The following VPS37B variants were observed in gnomAD, a reference collection of about 807,000 sequenced individuals.
VPS37B encodes VPS37B subunit of ESCRT-I.
In VPS37B, 11 loss-of-function variants were observed where a neutral mutation model predicts 21.2. The observed-to-expected ratio is 0.52, with a 90% CI of 0.33 to 0.86. VPS37B has a LOEUF of 0.86. Ranked by LOEUF, VPS37B falls within the 40% of genes least tolerant of loss-of-function variation. The pLI, the probability that VPS37B is intolerant of heterozygous loss-of-function variation, is 0.03. For missense variants in VPS37B, 389 were observed against 374.8 expected, an observed-to-expected ratio of 1.04 and a Z score of -0.31; for synonymous variants, 175 against 159.6, an observed-to-expected ratio of 1.10 and a Z score of -0.73.
intron 1 of VPS37B, among the ~76,000 whole-genome samples, chr12:122,891,687 A>G (rs931206135): frequency 1.3e-5 from 2 of 152,224 alleles, no homozygotes; most frequent in Admixed American, 6.5e-5. Context: ...AGCTTCTAAA[A>G]CAGTCTCACC....
At chr12:122,886,279 C>T (rs1222451893) in intron 1 of VPS37B, 1 of 152,196 alleles carries the variant, frequency 6.6e-6, no homozygotes, top group African/African-American at 2.4e-5. Flanking sequence ...ACGAGAAATA[C>T]TGTGTAGGCT....
rs141748579 is a variant in VPS37B at position 122,895,454 on chromosome 12, T to C, written c.111+498A>G. On this transcript the variant is annotated intron_variant, in intron 1 of 3. Coordinates refer to ENST00000267202, the MANE Select transcript of VPS37B (RefSeq NM_024667.3). ...CTTGGTCCCCCTCAGTCACCCCTAA[T>C]CCTCGCCTCCGACTCAGCCCTTATT... Among the ~76,000 whole-genome samples, 580 of 138,800 alleles carry C rather than the reference T, an allele frequency of 4.2e-3. 1 individual carries two copies. Among genetic ancestry groups the C allele is most frequent in the African/African-American group, 0.015 (556 of 36,448 alleles). The allele number at this position is 138,800 out of a possible 152,430, so 91.1% of individuals were successfully genotyped here.
intron 1 of VPS37B, chr12:122,888,348 CT>C: frequency 3.0e-6 from 1 of 334,388 alleles, no homozygotes; most frequent in Non-Finnish European, 6.0e-6. Context: ...GGCATTTCCT[CT>C]GCTTTTGTAT....
intron 1 of VPS37B, chr12:122,872,696 G>T (rs368277672): frequency 7.1e-6 from 7 of 985,018 alleles, no homozygotes; most frequent in Non-Finnish European, 8.4e-6. Flanking sequence ...AAAAACCACT[G>T]TATGGCCACT....
intron 1 of VPS37B, 53 bp downstream of exon 1, chr12:122,895,899 G>T: frequency 6.4e-7 from 1 of 1,554,074 alleles, no homozygotes; most frequent in South Asian, 1.1e-5. Flanking sequence ...CGTTCGAGGA[G>T]CGAACCCCGC....
Position 122,867,165 on chromosome 12 carries a change from C to T in VPS37B, c.809G>A (p.Arg270Lys). 1 of 1,556,252 alleles carries T rather than the reference C, an allele frequency of 6.4e-7. No individual in the cohort carries two copies. The change falls in exon 4 of 4, where the codon AGA (arginine) becomes AAA (lysine). Residue 270 changes from arginine to lysine, a missense_variant. Transcript: ENST00000267202. This position sits in a 1 kb window ranked among gnomAD's most constrained non-coding sequence, Gnocchi z 5.5. ...VSPYPPPLPQRPPPRLPPHQP... is the reference protein window; with the variant it reads ...VSPYPPPLPQKPPPRLPPHQP... The stretch of plus-strand genomic sequence containing the variant: ...GTGTGGAGGGAGCCGGGGCGGGGGT[C>T]TCTGAGGGAGAGGTGGCGGATATGG...
intron 1 of VPS37B, chr12:122,889,927 C>T (rs977204436): frequency 6.6e-6 from 1 of 152,242 alleles, no homozygotes; most frequent in African/African-American, 2.4e-5. Flanking sequence ...GTCGGACAAC[C>T]CATCCCTGCT....
intron 1 of VPS37B, chr12:122,889,997 CTACT>C (rs2034390204): frequency 6.6e-6 from 1 of 152,176 alleles, no homozygotes; most frequent in African/African-American, 2.4e-5. Context: ...CATCAAAAGC[CTACT>C]TAGAGAAATA....
chr12:122,895,620 T>C (rs1184620304), intron 1 of VPS37B, among the ~76,000 whole-genome samples: 1 of 151,828 alleles, frequency 6.6e-6, no homozygotes, highest in Non-Finnish European at 1.5e-5. Context: ...GCCTTAAGTC[T>C]TCAGACCCAG....
chr12:122,882,034 A>C (rs1373454624), intron 1 of VPS37B: 2 of 152,184 alleles, frequency 1.3e-5, no homozygotes, highest in African/African-American at 4.8e-5. Context: ...CCCTAGCTAC[A>C]ATGCCATAAT....
chr12:122,870,657 G>C (rs186190609), intron 2 of VPS37B: 19 of 404,378 alleles, frequency 4.7e-5, no homozygotes, highest in African/African-American at 3.3e-4. Context: ...GATCACCTGA[G>C]CCCAGGAGGT....
intron 1 of VPS37B, chr12:122,883,250 C>T (rs1400922806): frequency 1.3e-5 from 2 of 152,164 alleles, no homozygotes; most frequent in African/African-American, 4.8e-5. Context: ...TTGCTTCCCT[C>T]GAAAAGGAAC....
intron 1 of VPS37B, chr12:122,872,345 C>A: frequency 1.0e-6 from 1 of 985,432 alleles, no homozygotes; most frequent in Non-Finnish European, 1.2e-6. Context: ...ATCTGCATCT[C>A]CAGACAACAG....
chr12:122,871,186 C>A, intron 1 of VPS37B, 125 bp from the exon 2 acceptor site: 1 of 1,441,430 alleles, frequency 6.9e-7, no homozygotes, highest in South Asian at 1.5e-5. Context: ...ACAGCTGGCA[C>A]CGCATGCCAG....
rs2034038905 is a variant in VPS37B at position 122,871,739 on chromosome 12, C to T, written c.112-678G>A. On this transcript the variant is annotated intron_variant, in intron 1 of 3. Transcript: ENST00000267202. ...TGTCCTTTAAAGCAATGACAGGCTA[C>T]CCTGGTAGGTAGAGAAGAAGCCACA... 3.1e-6 allele frequency: 3 copies of T among 975,984 alleles called. No homozygotes were observed. In the South Asian group the frequency reaches 1.4e-4, roughly 46 times the overall value. The allele number at this position is 975,984 out of a possible 1,614,324, so 60.5% of individuals were successfully genotyped here.
intron 2 of VPS37B, among the ~76,000 whole-genome samples, chr12:122,869,550 A>C (rs966377341): frequency 7.2e-5 from 11 of 152,238 alleles, no homozygotes. Context: ...TAATGGAGAA[A>C]ATGACAAGAT....
rs1364216590 is a variant in VPS37B, at chr12:122,866,321, CAA to C, written c.*793_*794del. ...TTTCCCTGAATGGTCTTGGGAGTGT[CAA>C]AAAAGTTTTTTCAATATAAAACAGG... On this transcript the variant is annotated 3_prime_UTR_variant, in exon 4 of 4. Transcript: ENST00000267202. The C allele has an allele frequency of 2.0e-5, 3 of 152,538 alleles. No individual in the cohort carries two copies. Among genetic ancestry groups the C allele is most frequent in the Non-Finnish European group, 2.9e-5 (2 of 68,024 alleles). The allele number at this position is 152,538 out of a possible 1,614,324, so 9.4% of individuals were successfully genotyped here.
At chr12:122,872,761 G>A (rs2034063109) in intron 1 of VPS37B, 2 of 902,006 alleles carry the variant, frequency 2.2e-6, no homozygotes, top group South Asian at 1.0e-4. Flanking sequence ...CTATGACCCA[G>A]AAGTTGTACT....
At chr12:122,879,751 T>C (rs557379585) in intron 1 of VPS37B, 1 of 152,184 alleles carries the variant, frequency 6.6e-6, no homozygotes, top group Non-Finnish European at 1.5e-5. Flanking sequence ...AGTAGAACCA[T>C]GTCTTAATCA....
Sources: allele counts gnomAD v4.1 joint callset (sites outside exome capture counted in the v4.1 genomes callset), GRCh38; gene constraint gnomAD v4.1.1; non-coding constraint Gnocchi (gnomAD v3.1); transcripts MANE v1.5; gene names NCBI Gene and HGNC (gene_info 2026-07-23, HGNC 2026-07-21).